Variants in GSTCD observed in about 807,000 individuals in gnomAD.
GSTCD encodes glutathione S-transferase C-terminal domain-containing protein.
Under a neutral mutation model 68.3 loss-of-function variants are expected in GSTCD, and 44 were observed. The observed-to-expected ratio is 0.64, with a 90% CI of 0.51 to 0.83. The LOEUF is 0.83. Among genes scored for constraint, GSTCD ranks in the 40% least tolerant of loss-of-function variants. GSTCD has a pLI of 0.00. For missense variants in GSTCD, 739 were observed against 735.9 expected (o/e 1.00, Z -0.05); for synonymous variants, 273 against 255.2 (o/e 1.07, Z -0.67).
rs1434143233 is a variant in GSTCD at position 105,847,000 on chromosome 4, G to C, written c.*1423G>C. Reference sequence around the variant, plus strand: ...ACTACAATGTGTTGTCACAGGATTTGTTATTCAGATGTCAATCATTTTTAT... The same window carrying C: ...ACTACAATGTGTTGTCACAGGATTTCTTATTCAGATGTCAATCATTTTTAT... On this transcript the variant is annotated 3_prime_UTR_variant, in exon 12 of 12. Transcript: ENST00000515279. The C allele has an allele frequency of 2.0e-5, 3 of 152,114 alleles. No individual in the cohort carries two copies. Among genetic ancestry groups the C allele is most frequent in the Non-Finnish European group, 4.4e-5 (3 of 68,022 alleles). The allele number at this position is 152,114 out of a possible 1,614,324, so 9.4% of individuals were successfully genotyped here. A position where few individuals can be genotyped will look rare whatever the true frequency, so the allele number is the denominator to read the frequency against.
chr4:105,738,923 T>C (rs1733545214), intron 5 of GSTCD, among the ~76,000 whole-genome samples: 1 of 152,220 alleles, frequency 6.6e-6, no homozygotes, highest in Non-Finnish European at 1.5e-5. Context: ...TTCCAATTCT[T>C]AGAGGAAAAG....
intron 5 of GSTCD, among the ~76,000 whole-genome samples, chr4:105,739,837 G>A (rs1409854927): frequency 6.6e-5 from 10 of 152,162 alleles, no homozygotes; most frequent in Non-Finnish European, 1.0e-4. Context: ...CAGTCCCCTA[G>A]GAGCAGGTGC....
intron 5 of GSTCD, among the ~76,000 whole-genome samples, chr4:105,791,953 T>G (rs1200929463): frequency 1.3e-5 from 2 of 152,108 alleles, no homozygotes; most frequent in Non-Finnish European, 2.9e-5. Context: ...TCTAAAAAAC[T>G]TAGGAGCCCT....
chr4:105,763,235 A>G (rs901244280), intron 5 of GSTCD, among the ~76,000 whole-genome samples: 5 of 152,222 alleles, frequency 3.3e-5, no homozygotes, highest in African/African-American at 9.6e-5. Context: ...AGATATCTCT[A>G]TAAGGATGAA....
intron 5 of GSTCD, among the ~76,000 whole-genome samples, chr4:105,740,467 T>C (rs1323912630): frequency 3.3e-5 from 5 of 152,160 alleles, no homozygotes; most frequent in South Asian, 2.1e-4. Context: ...GAGTTTCTGT[T>C]ACTTCTTTGA....
chr4:105,779,057 A>G (rs890841948), intron 5 of GSTCD, among the ~76,000 whole-genome samples: 1 of 152,184 alleles, frequency 6.6e-6, no homozygotes, highest in Non-Finnish European at 1.5e-5. Context: ...TCAAATTAAG[A>G]TCATGCAATA....
chr4:105,786,228 G>A (rs1167047482), intron 5 of GSTCD, among the ~76,000 whole-genome samples: 1 of 150,982 alleles, frequency 6.6e-6, no homozygotes, highest in African/African-American at 2.5e-5. Flanking sequence ...AAACTTTTAA[G>A]GCCGGGCATG....
chr4:105,833,998 T>A (rs1724010308), intron 8 of GSTCD, among the ~76,000 whole-genome samples: 1 of 152,238 alleles, frequency 6.6e-6, no homozygotes, highest in Non-Finnish European at 1.5e-5. Context: ...GATTAGATTA[T>A]GTTAATATGG....
intron 5 of GSTCD, among the ~76,000 whole-genome samples, chr4:105,751,038 A>G (rs1733993284): frequency 6.6e-6 from 1 of 152,194 alleles, no homozygotes; most frequent in South Asian, 2.1e-4. Context: ...ACAACTTTAT[A>G]CATGGAATCA....
chr4:105,839,207 A>G (rs974916662), intron 10 of GSTCD, among the ~76,000 whole-genome samples: 2 of 152,240 alleles, frequency 1.3e-5, no homozygotes, highest in African/African-American at 2.4e-5. Context: ...TTCACCTACT[A>G]GATTAAAAGT....
intron 5 of GSTCD, among the ~76,000 whole-genome samples, chr4:105,768,759 A>G (rs1418399253): frequency 6.6e-6 from 1 of 151,632 alleles, no homozygotes; most frequent in Non-Finnish European, 1.5e-5. Flanking sequence ...TTTATTTCCT[A>G]CTTCTAGCTG....
chr4:105,769,309 C>G (rs80126340), intron 5 of GSTCD, among the ~76,000 whole-genome samples: 5,123 of 151,196 alleles, frequency 0.034, 108 homozygotes, highest in Non-Finnish European at 0.049. Flanking sequence ...ATAAAGCCAT[C>G]ATAAGGCTAG....
chr4:105,732,144 C>T (rs868556373), intron 5 of GSTCD, among the ~76,000 whole-genome samples: 2 of 152,120 alleles, frequency 1.3e-5, no homozygotes, highest in Admixed American at 6.5e-5. Flanking sequence ...GGATATTGGT[C>T]TAAAATTCTT....
chr4:105,747,317 G>T (rs1020901305), intron 5 of GSTCD, among the ~76,000 whole-genome samples: 1 of 152,168 alleles, frequency 6.6e-6, no homozygotes, highest in Non-Finnish European at 1.5e-5. Flanking sequence ...TTCAAACTAG[G>T]ATATCTATCA....
intron 5 of GSTCD, among the ~76,000 whole-genome samples, chr4:105,747,515 C>A (rs1733846500): frequency 6.6e-6 from 1 of 152,216 alleles, no homozygotes; most frequent in Admixed American, 6.5e-5. Flanking sequence ...GCACTGGCTA[C>A]TTGATTTCAC....
Position 105,766,887 on chromosome 4 carries a change from C to CTTTTTTTTTTTTTTTTT in GSTCD, c.1240+37397_1240+37413dup. 2.5e-3 allele frequency among the ~76,000 whole-genome samples: 143 copies of CTTTTTTTTTTTTTTTTT among 57,114 alleles called. 12 individuals carry two copies. The highest frequency in any genetic ancestry group is 0.011 in the African/African-American group (134 of 12,426). 37.5% of individuals were successfully genotyped at this position (57,114 alleles called of 152,430 possible). On this transcript the variant is annotated intron_variant, in intron 5 of 11. Transcript: ENST00000515279. ...CAAAAGCATGAATAGGTTTTTGACT[C>CTTTTTTTTTTTTTTTTT]TTTTTTTTTTTTTTTTTTTTTTTTT...
chr4:105,829,172 T>TA (rs768656257), intron 8 of GSTCD, among the ~76,000 whole-genome samples: 16 of 135,152 alleles, frequency 1.2e-4, no homozygotes, highest in Admixed American at 2.3e-4. Context: ...GAACTACAGA[T>TA]ACTACAGCTA....
chr4:105,709,073 GTCTTT>G (rs1275380417), intron 1 of GSTCD, 57 bp downstream of exon 1: 4 of 152,514 alleles, frequency 2.6e-5, no homozygotes, highest in African/African-American at 9.6e-5. Flanking sequence ...CTAAGAACTG[GTCTTT>G]TCTTCGGGGG....
Position 105,825,689 on chromosome 4 carries a change from C to G in GSTCD, c.1419C>G (p.Asn473Lys). The G allele has an allele frequency of 6.7e-7, 1 of 1,501,892 alleles. No individual in the cohort carries two copies. The highest frequency in any genetic ancestry group is 9.2e-7 in the Non-Finnish European group (1 of 1,081,806). 93.0% of individuals were successfully genotyped at this position (1,501,892 alleles called of 1,614,324 possible). A position where few individuals can be genotyped will look rare whatever the true frequency, so the allele number is the denominator to read the frequency against. Residue 473 changes from asparagine (N) to lysine (K), a missense_variant, in exon 8 of 12, where the codon AAC becomes AAG. Coordinates refer to ENST00000515279, the MANE Select transcript of GSTCD (RefSeq NM_001370181.1). The stretch of plus-strand genomic sequence containing the variant: ...AAATCTAGGTTACATTAATAGAAAA[C>G]AAGGAATTATCATTAATTCGTGCTA... ...LPSCQVTLIE[N>K]KELSLIRAKK...
Sources: allele counts gnomAD v4.1 joint callset (sites outside exome capture counted in the v4.1 genomes callset), GRCh38; gene constraint gnomAD v4.1.1; transcripts MANE v1.5; gene names NCBI Gene and HGNC (gene_info 2026-07-23, HGNC 2026-07-21).